Variants in SNX29 observed in about 807,000 individuals in gnomAD.
SNX29 encodes the protein sorting nexin 29, also known as sorting nexin-29.
In SNX29, 78 loss-of-function variants were observed where a neutral mutation model predicts 102.1. The ratio of observed to expected loss-of-function variants is 0.76; its 90% CI spans 0.64 to 0.92. The LOEUF (loss-of-function observed/expected upper bound fraction) is 0.92, where lower values mean the gene tolerates loss of function less well. SNX29 is among the 40% of genes least tolerant of loss of function. SNX29 has a pLI of 0.00. For missense variants in SNX29, 1,280 were observed against 1,061.7 expected, an observed-to-expected ratio of 1.21 and a Z score of -2.86; for synonymous variants, 580 against 414.5, an observed-to-expected ratio of 1.40 and a Z score of -4.85.
intron 3 of SNX29, among the ~76,000 whole-genome samples, chr16:12,005,327 T>G (rs1174728434): frequency 1.3e-5 from 2 of 152,124 alleles, no homozygotes; most frequent in South Asian, 2.1e-4. Context: ...AATGATCCTG[T>G]GTCTAAGTCC....
In SNX29 at chr16:12,085,371, G is replaced by C. The variant is rs541494726; in HGVS notation, c.1402+6456G>C. On this transcript the variant is annotated intron_variant, in intron 11 of 20. Transcript: ENST00000566228. ...GGACGGCGTCTCGCTCTGTTGGCCA[G>C]GCTGGAATGCACTGGTGTAATCTCG... is the stretch of plus-strand genomic sequence containing the variant. Among the ~76,000 whole-genome samples the C allele has an allele frequency of 3.3e-5, 5 of 152,346 alleles. No homozygotes were observed. The South Asian group carries it at 1.0e-3, about 32-fold the overall frequency.
At chr16:12,001,540 C>T (rs1204600489) in intron 2 of SNX29, among the ~76,000 whole-genome samples, 1 of 151,704 alleles carries the variant, frequency 6.6e-6, no homozygotes, top group Non-Finnish European at 1.5e-5. Flanking sequence ...TAAAATATAG[C>T]CATTTAAGTG....
intron 15 of SNX29, among the ~76,000 whole-genome samples, chr16:12,329,015 T>C (rs941107400): frequency 6.6e-6 from 1 of 151,992 alleles, no homozygotes; most frequent in Non-Finnish European, 1.5e-5. Flanking sequence ...CTCACACCTG[T>C]AATCCCAACA....
chr16:12,442,607 T>C (rs1191996333), intron 18 of SNX29, among the ~76,000 whole-genome samples: 2 of 151,416 alleles, frequency 1.3e-5, no homozygotes, highest in East Asian at 1.9e-4. Flanking sequence ...TTTTTTGATA[T>C]AGGGTCTCAG....
At chr16:12,017,003 G>T (rs2056870139) in intron 3 of SNX29, among the ~76,000 whole-genome samples, 1 of 152,008 alleles carries the variant, frequency 6.6e-6, no homozygotes, top group Non-Finnish European at 1.5e-5. Context: ...CCGTGGTAGC[G>T]CCTGTGGTCT....
chr16:12,545,623 CTCTTT>C (rs1468548906), intron 20 of SNX29: 1 of 152,108 alleles, frequency 6.6e-6, no homozygotes, highest in African/African-American at 2.4e-5. Context: ...AAGGGTCTGG[CTCTTT>C]TCTTCTGTTC....
intron 3 of SNX29, among the ~76,000 whole-genome samples, chr16:12,024,869 TTTTTTG>T (rs2057143618): frequency 6.6e-6 from 1 of 152,306 alleles, no homozygotes; most frequent in East Asian, 1.9e-4. Context: ...ACCCCAGAGT[TTTTTTG>T]TTTTTGTTTT....
chr16:12,377,611 C>G (rs556635603), intron 16 of SNX29, among the ~76,000 whole-genome samples: 1 of 152,210 alleles, frequency 6.6e-6, no homozygotes, highest in Admixed American at 6.5e-5. Context: ...GTAATAGATG[C>G]AGAGATGTGT....
At chr16:12,171,683 T>G (rs1344866404) in intron 13 of SNX29, among the ~76,000 whole-genome samples, 5 of 152,262 alleles carry the variant, frequency 3.3e-5, no homozygotes, top group Non-Finnish European at 7.3e-5. Flanking sequence ...GACAGGGAAC[T>G]GAAGAGTAGA....
At chr16:12,403,194 GTGTGTGTA>G (rs879884693) in intron 17 of SNX29, among the ~76,000 whole-genome samples, 4,236 of 84,602 alleles carry the variant, frequency 0.05, 120 homozygotes, top group African/African-American at 0.13. Context: ...AGTACAGATT[GTGTGTGTA>G]TGTGTGTGTG....
intron 3 of SNX29, among the ~76,000 whole-genome samples, chr16:12,005,918 C>T (rs1252567537): frequency 6.6e-6 from 1 of 152,082 alleles, no homozygotes; most frequent in East Asian, 1.9e-4. Context: ...AATACTGAAC[C>T]TATATAATAG....
rs13336540 is a variant in SNX29 at position 12,474,971 on chromosome 16, G to A, written c.2038-2748G>A. ...CAGTTGAGCTGGTAATTGCAAGTCC[G>A]GATCTTGACCTCAGCCTACTCATTC... On this transcript the variant is annotated intron_variant, in intron 18 of 20. Coordinates refer to ENST00000566228, the MANE Select transcript of SNX29 (RefSeq NM_032167.5). Among the ~76,000 whole-genome samples, 479 of 152,298 alleles carry A rather than the reference G, an allele frequency of 3.1e-3. 6 individuals carry two copies. Among genetic ancestry groups the A allele is most frequent in the African/African-American group, 0.011 (449 of 41,556 alleles).
intron 1 of SNX29, 46 bp downstream of exon 1, chr16:11,976,859 T>TCCCGCCGCTCCAGCTGCACACTCCGGCC: frequency 7.5e-7 from 1 of 1,326,526 alleles, no homozygotes. Flanking sequence ...CCGCCCCGGC[T>TCCCGCCGCTCCAGCTGCACACTCCGGCC]CCCGCCGCTC....
chr16:12,453,628 G>A (rs1303120861), intron 18 of SNX29, among the ~76,000 whole-genome samples: 2 of 151,908 alleles, frequency 1.3e-5, no homozygotes, highest in Non-Finnish European at 2.9e-5. Flanking sequence ...CAGTCCTTGT[G>A]CCTCAGCCTC....
intron 18 of SNX29, among the ~76,000 whole-genome samples, chr16:12,424,356 C>T (rs967857995): frequency 6.6e-5 from 10 of 152,274 alleles, no homozygotes; most frequent in Admixed American, 4.6e-4. Context: ...TTTCTTTTCT[C>T]TTCCACTGCA....
At chr16:12,527,754 C>T (rs1027780183) in intron 20 of SNX29, among the ~76,000 whole-genome samples, 1 of 151,948 alleles carries the variant, frequency 6.6e-6, no homozygotes, top group African/African-American at 2.4e-5. Flanking sequence ...GTGGACTGAG[C>T]CTGATTCTCC....
chr16:12,556,882 T>G (rs1311852111), intron 20 of SNX29, among the ~76,000 whole-genome samples: 1,691 of 151,966 alleles, frequency 0.011, 25 homozygotes, highest in African/African-American at 0.039. Context: ...AGATAGGGTC[T>G]CCGTCTGTCT....
At chr16:12,550,684 T>G (rs1475099559) in intron 20 of SNX29, among the ~76,000 whole-genome samples, 1 of 152,216 alleles carries the variant, frequency 6.6e-6, no homozygotes, top group Admixed American at 6.5e-5. Flanking sequence ...GACTCACTTT[T>G]TCATGTATTC....
intron 15 of SNX29, among the ~76,000 whole-genome samples, chr16:12,336,005 G>T (rs1261733632): frequency 6.6e-6 from 1 of 152,100 alleles, no homozygotes; most frequent in Non-Finnish European, 1.5e-5. Flanking sequence ...GTCTGTCTGG[G>T]TCTGTGTTTG....
Sources: allele counts gnomAD v4.1 joint callset (sites outside exome capture counted in the v4.1 genomes callset), GRCh38; gene constraint gnomAD v4.1.1; transcripts MANE v1.5; gene names NCBI Gene and HGNC (gene_info 2026-07-23, HGNC 2026-07-21).